ELAPOR2: variants seen among roughly 807,000 people sequenced by gnomAD.
The protein encoded by ELAPOR2 is endosome/lysosome-associated apoptosis and autophagy regulator family member 2.
Under a neutral mutation model 120.7 loss-of-function variants are expected in ELAPOR2, and 89 were observed. The ratio of observed to expected loss-of-function variants is 0.74; its 90% CI spans 0.62 to 0.88. ELAPOR2 has a LOEUF of 0.88. Ranked by LOEUF, ELAPOR2 falls within the 40% of genes least tolerant of loss-of-function variation. The pLI is 0.00. For synonymous variants in ELAPOR2, 444 were observed against 444.9 expected, an observed-to-expected ratio of 1.00 and a Z score of 0.03; for missense variants, 1,134 against 1,251.6, an observed-to-expected ratio of 0.91 and a Z score of 1.42.
At chr7:86,967,101 CT>C (rs888390466) in intron 1 of ELAPOR2, among the ~76,000 whole-genome samples, 1 of 152,150 alleles carries the variant, frequency 6.6e-6, no homozygotes, top group African/African-American at 2.4e-5. Context: ...GTAGAATAGC[CT>C]TGGCCTGCCA....
intron 2 of ELAPOR2, among the ~76,000 whole-genome samples, chr7:86,952,192 A>C (rs890602705): frequency 6.6e-6 from 1 of 152,224 alleles, no homozygotes; most frequent in Non-Finnish European, 1.5e-5. Flanking sequence ...TGGGGGTTAC[A>C]AATAAATTTT....
intron 21 of ELAPOR2, among the ~76,000 whole-genome samples, chr7:86,889,248 AG>A (rs1309362878): frequency 6.6e-6 from 1 of 152,016 alleles, no homozygotes; most frequent in Admixed American, 6.6e-5. Flanking sequence ...TATATCCTGT[AG>A]TACCTGGATT....
chr7:87,021,047 T>C (rs1794023599), intron 1 of ELAPOR2, among the ~76,000 whole-genome samples: 1 of 152,134 alleles, frequency 6.6e-6, no homozygotes, highest in Non-Finnish European at 1.5e-5. Flanking sequence ...GTATTATTAA[T>C]TTCTATTATG....
chr7:86,994,211 T>A (rs1009694395), intron 1 of ELAPOR2, among the ~76,000 whole-genome samples: 2 of 152,154 alleles, frequency 1.3e-5, no homozygotes, highest in Non-Finnish European at 2.9e-5. Context: ...GGCAAAAACA[T>A]AACCTCAGAA....
intron 8 of ELAPOR2, among the ~76,000 whole-genome samples, 166 bp from the exon 9 acceptor site, chr7:86,927,082 GTGGGGA>G (rs1790107057): frequency 6.6e-6 from 1 of 151,954 alleles, no homozygotes; most frequent in Non-Finnish European, 1.5e-5. Flanking sequence ...GAGAACATTG[GTGGGGA>G]AATGACTGTT....
intron 1 of ELAPOR2, among the ~76,000 whole-genome samples, chr7:87,039,243 C>T (rs2129014922): frequency 6.6e-6 from 1 of 151,610 alleles, no homozygotes; most frequent in South Asian, 2.1e-4. Context: ...CAGACCAATA[C>T]CAATGAAATC....
In ELAPOR2 at chr7:86,986,429, A is replaced by AC. The variant is rs1333100084; in HGVS notation, c.190-21406_190-21405insG. Among the ~76,000 whole-genome samples the AC allele has an allele frequency of 5.4e-3, 590 of 109,482 alleles. 88 individuals carry two copies. The highest frequency in any genetic ancestry group is 0.024 in the African/African-American group (571 of 24,014). The allele number at this position is 109,482 out of a possible 152,430, so 71.8% of individuals were successfully genotyped here. On this transcript the variant is annotated intron_variant, in intron 1 of 21. Coordinates refer to ENST00000450689, the MANE Select transcript of ELAPOR2 (RefSeq NM_001142749.3). The stretch of plus-strand genomic sequence containing the variant: ...GGGCGACAGAGCGAGACTCCGTCTC[A>AC]AAAAAAAAAAAAAAGAAAACCCCAT...
intron 21 of ELAPOR2, among the ~76,000 whole-genome samples, chr7:86,886,826 G>A (rs373273023): frequency 3.3e-5 from 5 of 152,046 alleles, no homozygotes; most frequent in Non-Finnish European, 5.9e-5. Context: ...TAGGACCCTC[G>A]ATTTATCGAG....
intron 1 of ELAPOR2, among the ~76,000 whole-genome samples, chr7:87,034,643 TAAG>T (rs1013162141): frequency 6.6e-6 from 1 of 152,130 alleles, no homozygotes; most frequent in Non-Finnish European, 1.5e-5. Flanking sequence ...TTTATATGCC[TAAG>T]AATTATCAAG....
intron 1 of ELAPOR2, 24 bp from the exon 2 acceptor site, chr7:86,965,048 C>T (rs527356236): frequency 2.6e-6 from 4 of 1,551,138 alleles, no homozygotes; most frequent in East Asian, 4.9e-5. Flanking sequence ...CAAAAACAAG[C>T]CTTTGTTAGA....
chr7:87,013,736 AT>A (rs1208991106), intron 1 of ELAPOR2, among the ~76,000 whole-genome samples: 2 of 152,336 alleles, frequency 1.3e-5, no homozygotes, highest in Non-Finnish European at 2.9e-5. Flanking sequence ...GTTCAATTTT[AT>A]TTCATTTTAT....
intron 2 of ELAPOR2, among the ~76,000 whole-genome samples, chr7:86,949,163 A>G (rs1791128469): frequency 6.6e-6 from 1 of 152,220 alleles, no homozygotes; most frequent in Non-Finnish European, 1.5e-5. Flanking sequence ...CAAATCAGTA[A>G]AACATGAGAA....
At chr7:86,949,099 G>A (rs1461364016) in intron 2 of ELAPOR2, among the ~76,000 whole-genome samples, 1 of 152,102 alleles carries the variant, frequency 6.6e-6, no homozygotes, top group African/African-American at 2.4e-5. Flanking sequence ...TGCTTTCCTT[G>A]AGAAAACCTT....
intron 1 of ELAPOR2, among the ~76,000 whole-genome samples, chr7:86,989,496 G>A (rs773935469): frequency 2.0e-5 from 3 of 152,292 alleles, no homozygotes; most frequent in East Asian, 1.9e-4. Flanking sequence ...ACATTTGCAC[G>A]TATTTTAATC....
intron 2 of ELAPOR2, among the ~76,000 whole-genome samples, chr7:86,957,457 T>C (rs1791522563): frequency 6.6e-6 from 1 of 152,234 alleles, no homozygotes; most frequent in South Asian, 2.1e-4. Context: ...GGATTATATA[T>C]TCTGTCCATG....
intron 1 of ELAPOR2, among the ~76,000 whole-genome samples, chr7:87,059,058 C>T (rs1488325747): frequency 1.3e-5 from 2 of 151,948 alleles, no homozygotes; most frequent in African/African-American, 4.8e-5. Flanking sequence ...CCTGGCTGTC[C>T]AAAAAGGACG....
At chr7:87,053,563 C>T (rs929937493) in intron 1 of ELAPOR2, among the ~76,000 whole-genome samples, 4 of 152,148 alleles carry the variant, frequency 2.6e-5, no homozygotes, top group African/African-American at 9.7e-5. Context: ...TTCTTCTTAC[C>T]CCTTTAGCTG....
chr7:86,889,178 C>T (rs1197570531), intron 21 of ELAPOR2, among the ~76,000 whole-genome samples: 1 of 152,068 alleles, frequency 6.6e-6, no homozygotes, highest in Admixed American at 6.6e-5. Context: ...TTGTTATTCA[C>T]AATATAATTA....
At chr7:86,971,450 C>T (rs1445025878) in intron 1 of ELAPOR2, among the ~76,000 whole-genome samples, 6 of 152,242 alleles carry the variant, frequency 3.9e-5, no homozygotes, top group Non-Finnish European at 7.4e-5. Context: ...GAAATATGAA[C>T]TAAAACCCTC....
Sources: allele counts gnomAD v4.1 joint callset (sites outside exome capture counted in the v4.1 genomes callset), GRCh38; gene constraint gnomAD v4.1.1; transcripts MANE v1.5; gene names NCBI Gene and HGNC (gene_info 2026-07-23, HGNC 2026-07-21).